CNTN6: variants seen among roughly 807,000 people sequenced by gnomAD.
CNTN6 encodes the protein contactin-6.
Under a neutral mutation model 122.8 loss-of-function variants are expected in CNTN6, and 137 were observed. That is an observed-to-expected ratio of 1.12 (90% CI 0.97 to 1.29). The LOEUF (loss-of-function observed/expected upper bound fraction) is 1.29. Among genes scored for constraint, CNTN6 ranks in the 50% most tolerant of loss-of-function variants. The pLI, the probability that CNTN6 is intolerant of heterozygous loss-of-function variation, is 0.00. For synonymous variants in CNTN6, 570 were observed against 426.0 expected (o/e 1.34, Z -4.16); for missense variants, 1,634 against 1,223.4 (o/e 1.34, Z -5.01).
At chr3:1,303,738 A>AGGTGT (rs1324475631) in intron 7 of CNTN6, among the ~76,000 whole-genome samples, 20 of 152,222 alleles carry the variant, frequency 1.3e-4, no homozygotes, top group African/African-American at 4.8e-4. Context: ...TGAATAGTAG[A>AGGTGT]CACCATAAAT....
intron 2 of CNTN6, among the ~76,000 whole-genome samples, chr3:1,171,240 T>C (rs956300508): frequency 1.3e-4 from 20 of 152,212 alleles, no homozygotes; most frequent in African/African-American, 4.8e-4. Context: ...CATAAGTGAA[T>C]AACTGGGTTA....
intron 7 of CNTN6, among the ~76,000 whole-genome samples, chr3:1,315,703 A>G (rs1381503306): frequency 6.6e-6 from 1 of 151,972 alleles, no homozygotes; most frequent in Admixed American, 6.6e-5. Flanking sequence ...ATGGTACTAG[A>G]TGATTAACCA....
intron 2 of CNTN6, among the ~76,000 whole-genome samples, chr3:1,159,682 T>C (rs1427477040): frequency 2.6e-5 from 4 of 151,950 alleles, no homozygotes; most frequent in Non-Finnish European, 2.9e-5. Flanking sequence ...GAACAATTAA[T>C]CTATATAAAA....
At chr3:1,317,549 T>TC (rs1237953083) in intron 7 of CNTN6, among the ~76,000 whole-genome samples, 1 of 151,878 alleles carries the variant, frequency 6.6e-6, no homozygotes. Context: ...CAAGTTTCTT[T>TC]CCTCTGTGTT....
At chr3:1,094,568 T>G (rs1197517033) in intron 1 of CNTN6, among the ~76,000 whole-genome samples, 1 of 152,182 alleles carries the variant, frequency 6.6e-6, no homozygotes, top group Non-Finnish European at 1.5e-5. Context: ...TTGCATTACT[T>G]CCTTTGAATA....
chr3:1,312,754 G>A (rs1373941085), intron 7 of CNTN6, among the ~76,000 whole-genome samples: 1 of 151,576 alleles, frequency 6.6e-6, no homozygotes, highest in Admixed American at 6.6e-5. Flanking sequence ...TGCAGGGGGA[G>A]CAAAGCATGG....
At chr3:1,112,734 T>C (rs1207684233) in intron 1 of CNTN6, among the ~76,000 whole-genome samples, 2 of 152,032 alleles carry the variant, frequency 1.3e-5, no homozygotes, top group Admixed American at 1.3e-4. Flanking sequence ...TTTAATCCGA[T>C]CAGATTGATC....
At chr3:1,402,078 G>A (rs1304524617) in intron 21 of CNTN6, among the ~76,000 whole-genome samples, 1 of 151,664 alleles carries the variant, frequency 6.6e-6, no homozygotes, top group Non-Finnish European at 1.5e-5. Context: ...ATAGCCTCAA[G>A]CTATTTAACT....
intron 11 of CNTN6, among the ~76,000 whole-genome samples, chr3:1,339,624 C>A (rs1480488434): frequency 6.6e-6 from 1 of 151,980 alleles, no homozygotes; most frequent in African/African-American, 2.4e-5. Flanking sequence ...GGAATTTTTC[C>A]TGGAAGAGAA....
At chr3:1,265,965 T>A (rs1398337758) in intron 4 of CNTN6, among the ~76,000 whole-genome samples, 1 of 152,110 alleles carries the variant, frequency 6.6e-6, no homozygotes, top group Admixed American at 6.6e-5. Context: ...GTGTCATTCA[T>A]CACAAATAGA....
intron 1 of CNTN6, among the ~76,000 whole-genome samples, chr3:1,121,541 A>G (rs2125062039): frequency 6.6e-6 from 1 of 151,914 alleles, no homozygotes; most frequent in Non-Finnish European, 1.5e-5. Flanking sequence ...CCACCAATCT[A>G]TTTCTCCTAC....
At chr3:1,211,798 CTTAATAT>C (rs1321667490) in intron 2 of CNTN6, among the ~76,000 whole-genome samples, 2 of 152,254 alleles carry the variant, frequency 1.3e-5, no homozygotes, top group South Asian at 2.1e-4. Context: ...ACTAGCATCT[CTTAATAT>C]TATATCTAAA....
At chr3:1,395,055 G>A (rs1021163573) in intron 20 of CNTN6, among the ~76,000 whole-genome samples, 2 of 152,002 alleles carry the variant, frequency 1.3e-5, no homozygotes, top group African/African-American at 4.8e-5. Context: ...AGTTTCAATA[G>A]CTCTTAAATT....
intron 4 of CNTN6, among the ~76,000 whole-genome samples, chr3:1,233,597 T>A (rs956645406): frequency 6.6e-6 from 1 of 151,482 alleles, no homozygotes; most frequent in Non-Finnish European, 1.5e-5. Context: ...TAGCCGGGTG[T>A]GGTGGTGTGC....
At chr3:1,364,759 A>C (rs2126115408) in intron 12 of CNTN6, among the ~76,000 whole-genome samples, 1 of 152,092 alleles carries the variant, frequency 6.6e-6, no homozygotes, top group Middle Eastern at 3.4e-3. Context: ...ACTAAAATGC[A>C]TTCTGGAAAC....
chr3:1,178,717 C>G (rs1191305937), intron 2 of CNTN6, among the ~76,000 whole-genome samples: 2 of 152,112 alleles, frequency 1.3e-5, no homozygotes, highest in African/African-American at 4.8e-5. Context: ...GTTTTTACTT[C>G]TGATAGGTCG....
chr3:1,295,522 CA>C, intron 5 of CNTN6, 78 bp from the exon 6 acceptor site: 1 of 1,271,924 alleles, frequency 7.9e-7, no homozygotes, highest in African/African-American at 1.5e-5. Flanking sequence ...GGAAGTAAGA[CA>C]AAGAATTTTC....
chr3:1,124,833 T>G (rs1172028571), intron 1 of CNTN6, among the ~76,000 whole-genome samples: 1 of 151,978 alleles, frequency 6.6e-6, no homozygotes, highest in East Asian at 1.9e-4. Flanking sequence ...TTACTTGTGC[T>G]GCATTTTTCC....
At chr3:1,184,078 T>C (rs1407697409) in intron 2 of CNTN6, among the ~76,000 whole-genome samples, 1 of 152,160 alleles carries the variant, frequency 6.6e-6, no homozygotes, top group African/African-American at 2.4e-5. Context: ...GTAGAGATAC[T>C]CTCTCACAAG....
Sources: allele counts gnomAD v4.1 joint callset (sites outside exome capture counted in the v4.1 genomes callset), GRCh38; gene constraint gnomAD v4.1.1; transcripts MANE v1.5; gene names NCBI Gene and HGNC (gene_info 2026-07-23, HGNC 2026-07-21).